Variants in CLCN5 observed in about 807,000 individuals in gnomAD.
The protein encoded by CLCN5 is Cl-/H+ antiporter 5.
Under a neutral mutation model 54.0 loss-of-function variants are expected in CLCN5, and 17 were observed. That is an observed-to-expected ratio of 0.31 (90% CI 0.22 to 0.47). The LOEUF (loss-of-function observed/expected upper bound fraction) is 0.47. CLCN5 is among the 20% of genes least tolerant of loss of function. The probability of loss-of-function intolerance (pLI) is 1.00; values close to 1 mark genes in which losing one functional copy is unlikely to be tolerated. For synonymous variants in CLCN5, 222 were observed against 233.0 expected (o/e 0.95, Z 0.43); for missense variants, 448 against 646.7 (o/e 0.69, Z 3.33).
At chrX:50,005,459 C>T (rs1179042712) in intron 3 of CLCN5, among the ~76,000 whole-genome samples, 6 of 111,637 alleles carry the variant, frequency 5.4e-5, no homozygotes, top group African/African-American at 1.3e-4. Flanking sequence ...AAAAACTTCC[C>T]TTCATCTGCT....
chrX:50,010,182 TTTTC>T (rs1185271654), intron 3 of CLCN5, among the ~76,000 whole-genome samples: 1 of 110,781 alleles, frequency 9.0e-6, no homozygotes, highest in Non-Finnish European at 1.9e-5. Context: ...CTTCTTTTCT[TTTTC>T]TTTCTCTTTC....
At chrX:50,083,780 T>G (rs1371164448) in intron 9 of CLCN5, among the ~76,000 whole-genome samples, 3 of 112,241 alleles carry the variant, frequency 2.7e-5, no homozygotes, top group African/African-American at 9.7e-5. Context: ...CTTTGTGCTA[T>G]TCTTTCACCT....
intron 8 of CLCN5, 89 bp downstream of exon 8, chrX:50,080,805 A>G: frequency 1.3e-6 from 1 of 769,464 alleles, no homozygotes; most frequent in Non-Finnish European, 2.0e-6. Context: ...ACATACCACA[A>G]TTTGATGAAT....
intron 6 of CLCN5, among the ~76,000 whole-genome samples, chrX:50,074,267 G>C (rs1933327394): frequency 8.9e-6 from 1 of 111,945 alleles, no homozygotes; most frequent in Non-Finnish European, 1.9e-5. Flanking sequence ...TCATAGGAGA[G>C]AGAGGAAGGG....
At chrX:49,997,596 G>T (rs1455861217) in intron 3 of CLCN5, among the ~76,000 whole-genome samples, 3 of 111,090 alleles carry the variant, frequency 2.7e-5, no homozygotes, top group Non-Finnish European at 5.7e-5. Context: ...TGCAGTCATA[G>T]CTCACTGCAG....
Position 49,988,912 on chromosome X carries a change from G to A in CLCN5, c.17-53404G>A, listed in dbSNP as rs556285921. 4.6e-4 allele frequency among the ~76,000 whole-genome samples: 51 copies of A among 110,005 alleles called. No individual in the cohort carries two copies. In the South Asian group the frequency reaches 0.02, roughly 42 times the overall value. On this transcript the variant is annotated intron_variant, in intron 3 of 14. Coordinates refer to ENST00000376091, the MANE Select transcript of CLCN5 (RefSeq NM_001127898.4). The stretch of plus-strand genomic sequence containing the variant: ...TTCACACTGCCTTGCCTTTTGCTTG[G>A]ACTCTCCCTGTCCTAGCTTGGAATG...
intron 3 of CLCN5, among the ~76,000 whole-genome samples, chrX:49,979,419 A>G (rs2099238852): frequency 8.9e-6 from 1 of 111,956 alleles, no homozygotes; most frequent in Non-Finnish European, 1.9e-5. Flanking sequence ...TTTGTTTGAA[A>G]GAATGAACTT....
chrX:50,062,658 C>G (rs1354204817), intron 4 of CLCN5, among the ~76,000 whole-genome samples: 1 of 97,298 alleles, frequency 1.0e-5, no homozygotes, highest in Non-Finnish European at 2.0e-5. Context: ...CCAAGCGGAC[C>G]TAATAGACAT....
intron 3 of CLCN5, among the ~76,000 whole-genome samples, chrX:49,933,778 T>C (rs782523026): frequency 3.0e-4 from 34 of 112,282 alleles, no homozygotes; most frequent in Non-Finnish European, 5.1e-4. Flanking sequence ...TGTGAAAGGT[T>C]ATGATAATAT....
chrX:49,996,900 G>A (rs781788666), intron 3 of CLCN5, among the ~76,000 whole-genome samples: 3 of 111,606 alleles, frequency 2.7e-5, no homozygotes, highest in Non-Finnish European at 5.7e-5. Context: ...GGCCTCCTTA[G>A]GTAGTAACTT....
chrX:49,955,977 A>G (rs1343114599), intron 3 of CLCN5, among the ~76,000 whole-genome samples: 4 of 111,603 alleles, frequency 3.6e-5, no homozygotes, highest in African/African-American at 6.5e-5. Context: ...ACCAATCCCA[A>G]TCTGTATAGA....
intron 3 of CLCN5, among the ~76,000 whole-genome samples, chrX:50,004,471 G>T (rs1557181101): frequency 9.0e-6 from 1 of 110,944 alleles, no homozygotes. Context: ...CTGTGTTCTA[G>T]GAACAACAAA....
At chrX:50,063,594 G>A (rs1198434799) in intron 4 of CLCN5, among the ~76,000 whole-genome samples, 7 of 107,402 alleles carry the variant, frequency 6.5e-5, no homozygotes, top group African/African-American at 2.5e-4. Context: ...GGAGGAACTG[G>A]TACCATTCCT....
chrX:49,956,761 C>T, intron 3 of CLCN5, among the ~76,000 whole-genome samples: 1 of 111,892 alleles, frequency 8.9e-6, no homozygotes, highest in East Asian at 2.8e-4. Flanking sequence ...TCTAACTTGT[C>T]CTTTCTATCT....
In CLCN5 at chrX:50,017,609, C is replaced by T. The variant is rs181542915; in HGVS notation, c.17-24707C>T. Among the ~76,000 whole-genome samples the T allele has an allele frequency of 4.8e-3, 533 of 110,648 alleles. 2 individuals carry two copies. The highest frequency in any genetic ancestry group is 0.017 in the African/African-American group (511 of 30,590). ...ATTATTTTCTAGGAGTTTTATAGTT[C>T]TGTGTTTTACATTTAGGTCAGTCAT... On this transcript the variant is annotated intron_variant, in intron 3 of 14. Coordinates refer to ENST00000376091, the MANE Select transcript of CLCN5 (RefSeq NM_001127898.4).
chrX:50,072,527 T>C lies in CLCN5; in HGVS notation c.354T>C (p.Ile118=). 8.3e-7 allele frequency: 1 copy of C among 1,209,860 alleles called. No homozygotes were observed. The highest frequency in any genetic ancestry group is 1.8e-5 in the South Asian group (1 of 56,932). Residue 118 remains isoleucine (I), a synonymous_variant, in exon 6 of 15, where the codon ATT becomes ATC. Transcript: ENST00000376091. ...NKSKESTWAL[I]HSVSDAFSGW... is the part of the protein sequence containing the mutation. ...GCAAAGAGTCAACATGGGCCTTAAT[T>C]CACAGTGTGAGTGATGCTTTTTCCG...
rs781790764 is a variant in CLCN5, at chrX:50,055,198, G to A, written c.163+12736G>A. Among the ~76,000 whole-genome samples the A allele has an allele frequency of 4.5e-5, 5 of 111,664 alleles. No individual in the cohort carries two copies. The South Asian group carries it at 1.9e-3, about 42-fold the overall frequency. On this transcript the variant is annotated intron_variant, in intron 4 of 14. Transcript: ENST00000376091. Reference sequence around the variant, plus strand: ...TCATTTGGAATTCTTCAAAGATAAGGGCCTCTCAGAAGTCATTCAATCCAA... The same window carrying A: ...TCATTTGGAATTCTTCAAAGATAAGAGCCTCTCAGAAGTCATTCAATCCAA...
chrX:50,060,711 G>A, intron 4 of CLCN5, among the ~76,000 whole-genome samples: 1 of 112,189 alleles, frequency 8.9e-6, no homozygotes, highest in African/African-American at 3.3e-5. Context: ...GCAGGGCACA[G>A]ACAAACAAAA....
intron 4 of CLCN5, among the ~76,000 whole-genome samples, chrX:50,059,349 C>G (rs1223787983): frequency 9.0e-6 from 1 of 111,642 alleles, no homozygotes. Flanking sequence ...ATTTAGAGGT[C>G]TTCATGTGCT....
Sources: allele counts gnomAD v4.1 joint callset (sites outside exome capture counted in the v4.1 genomes callset), GRCh38; gene constraint gnomAD v4.1.1; transcripts MANE v1.5; gene names NCBI Gene and HGNC (gene_info 2026-07-23, HGNC 2026-07-21).